The following CNTN5 variants were observed in gnomAD, a reference collection of about 807,000 sequenced individuals.
CNTN5 encodes contactin 5, also known as contactin-5.
In CNTN5, 77 loss-of-function variants were observed where a neutral mutation model predicts 129.1. The observed-to-expected ratio is 0.60, with a 90% CI of 0.50 to 0.72. The LOEUF (loss-of-function observed/expected upper bound fraction) is 0.72. Ranked by LOEUF, CNTN5 falls within the 30% of genes least tolerant of loss-of-function variation. CNTN5 has a pLI of 0.00. For synonymous variants in CNTN5, 509 were observed against 465.6 expected (o/e 1.09, Z -1.20); for missense variants, 1,478 against 1,328.8 (o/e 1.11, Z -1.75).
chr11:99,751,347 A>G (rs1007050131), intron 3 of CNTN5, among the ~76,000 whole-genome samples: 1 of 152,176 alleles, frequency 6.6e-6, no homozygotes, highest in Admixed American at 6.5e-5. Flanking sequence ...CAAAAAATAA[A>G]TTAATTAATT....
intron 3 of CNTN5, among the ~76,000 whole-genome samples, chr11:99,623,321 G>T (rs1951015935): frequency 6.6e-6 from 1 of 152,146 alleles, no homozygotes; most frequent in African/African-American, 2.4e-5. Context: ...AGCTCAACTG[G>T]ATCCCAGGGC....
At chr11:99,280,396 A>G (rs975750318) in intron 1 of CNTN5, among the ~76,000 whole-genome samples, 14 of 151,882 alleles carry the variant, frequency 9.2e-5, no homozygotes, top group African/African-American at 3.1e-4. Context: ...AAAGGATCAC[A>G]GGTGACATGA....
At chr11:99,078,529 AT>A (rs1865669706) in intron 1 of CNTN5, among the ~76,000 whole-genome samples, 1 of 152,210 alleles carries the variant, frequency 6.6e-6, no homozygotes, top group Admixed American at 6.5e-5. Flanking sequence ...AATTAACCTA[AT>A]TGTGCATCAA....
At chr11:99,433,765 T>C (rs1338319120) in intron 2 of CNTN5, among the ~76,000 whole-genome samples, 3 of 152,106 alleles carry the variant, frequency 2.0e-5, no homozygotes, top group African/African-American at 7.2e-5. Context: ...GGATAGTTGA[T>C]GAAGCTAAAA....
rs187011255 is a variant in CNTN5 at position 99,352,426 on chromosome 11, G to A, written c.-71+26942G>A. ...CATCATATATTTATTTTTCTGACTT[G>A]GCTCTTATAATTTACATAATAGCAA... On this transcript the variant is annotated intron_variant, in intron 2 of 24. Transcript: ENST00000524871. Among the ~76,000 whole-genome samples, 118 of 151,994 alleles carry A rather than the reference G, an allele frequency of 7.8e-4. 1 individual carries two copies. The highest frequency in any genetic ancestry group is 2.8e-3 in the African/African-American group (115 of 41,452).
At chr11:99,951,747 G>C (rs1411506112) in intron 7 of CNTN5, among the ~76,000 whole-genome samples, 1 of 152,036 alleles carries the variant, frequency 6.6e-6, no homozygotes, top group Non-Finnish European at 1.5e-5. Context: ...AATAAATAGA[G>C]ACTCAGTGTC....
intron 1 of CNTN5, among the ~76,000 whole-genome samples, chr11:99,092,497 C>T (rs771989956): frequency 2.0e-5 from 3 of 151,780 alleles, no homozygotes; most frequent in African/African-American, 4.8e-5. Flanking sequence ...ATCAATTGCA[C>T]TTATAAAAAA....
rs543921725 is a variant in CNTN5, at chr11:100,088,123, C to G, written c.1580+13829C>G. Among the ~76,000 whole-genome samples the G allele has an allele frequency of 2.0e-5, 3 of 151,818 alleles. No individual in the cohort carries two copies. In the South Asian group the frequency reaches 6.2e-4, roughly 32 times the overall value. The stretch of plus-strand genomic sequence containing the variant: ...TGCAAATAAGCACAATCAGAAATGA[C>G]AAAGATGACATTATCACCAATCACA... On this transcript the variant is annotated intron_variant, in intron 13 of 24. Coordinates refer to ENST00000524871, the MANE Select transcript of CNTN5 (RefSeq NM_014361.4).
chr11:99,408,905 C>A (rs1942258908), intron 2 of CNTN5, among the ~76,000 whole-genome samples: 1 of 152,110 alleles, frequency 6.6e-6, no homozygotes, highest in Non-Finnish European at 1.5e-5. Context: ...TTGTTAAGAT[C>A]ATTTTAAATC....
intron 3 of CNTN5, among the ~76,000 whole-genome samples, chr11:99,697,901 A>T (rs1467334181): frequency 6.6e-6 from 1 of 151,734 alleles, no homozygotes. Flanking sequence ...ACAATTTAAC[A>T]TTCTCCTTCC....
intron 6 of CNTN5, among the ~76,000 whole-genome samples, chr11:99,873,919 A>C (rs1251427012): frequency 6.6e-6 from 1 of 152,072 alleles, no homozygotes; most frequent in Non-Finnish European, 1.5e-5. Flanking sequence ...CAGCAACATG[A>C]ATGGAGTTGG....
chr11:100,257,191 C>A (rs1950089687), intron 17 of CNTN5, among the ~76,000 whole-genome samples: 1 of 152,082 alleles, frequency 6.6e-6, no homozygotes. Context: ...TGGGCAGAGC[C>A]CACCGCAGCT....
intron 6 of CNTN5, among the ~76,000 whole-genome samples, chr11:99,895,154 T>C (rs1949172671): frequency 6.6e-6 from 1 of 152,162 alleles, no homozygotes; most frequent in South Asian, 2.1e-4. Context: ...TTTTTGCTGC[T>C]CCCCATCAGT....
At chr11:99,628,651 C>G (rs377449459) in intron 3 of CNTN5, among the ~76,000 whole-genome samples, 1 of 138,434 alleles carries the variant, frequency 7.2e-6, no homozygotes, top group Non-Finnish European at 1.6e-5. Flanking sequence ...CACACACACA[C>G]AGAAAGAGAT....
chr11:99,538,473 C>A (rs1196248257), intron 2 of CNTN5, among the ~76,000 whole-genome samples: 1 of 152,046 alleles, frequency 6.6e-6, no homozygotes, highest in East Asian at 1.9e-4. Context: ...GGCTTAAACA[C>A]AAAGGCGTTA....
At chr11:99,576,890 T>C (rs1949372836) in intron 3 of CNTN5, among the ~76,000 whole-genome samples, 1 of 152,182 alleles carries the variant, frequency 6.6e-6, no homozygotes, top group Non-Finnish European at 1.5e-5. Context: ...CATCTCTTCA[T>C]ACTATCACCT....
At chr11:99,738,233 A>G (rs966618917) in intron 3 of CNTN5, among the ~76,000 whole-genome samples, 1 of 152,142 alleles carries the variant, frequency 6.6e-6, no homozygotes, top group Non-Finnish European at 1.5e-5. Flanking sequence ...GATGGGCCCT[A>G]ATCCAGTCTG....
chr11:99,685,777 A>C (rs1016629466), intron 3 of CNTN5, among the ~76,000 whole-genome samples: 4 of 151,814 alleles, frequency 2.6e-5, no homozygotes, highest in Admixed American at 2.0e-4. Context: ...CTTGCATTTT[A>C]ATATATTTTC....
At chr11:99,225,364 T>C (rs1415164209) in intron 1 of CNTN5, among the ~76,000 whole-genome samples, 1 of 152,114 alleles carries the variant, frequency 6.6e-6, no homozygotes, top group East Asian at 1.9e-4. Context: ...TTGTGTTTGT[T>C]TCTTTATTGG....
Sources: allele counts gnomAD v4.1 joint callset (sites outside exome capture counted in the v4.1 genomes callset), GRCh38; gene constraint gnomAD v4.1.1; transcripts MANE v1.5; gene names NCBI Gene and HGNC (gene_info 2026-07-23, HGNC 2026-07-21).